NRIP1: variants seen among roughly 807,000 people sequenced by gnomAD.
NRIP1 encodes the protein nuclear receptor interacting protein 1.
Under a neutral mutation model 75.0 loss-of-function variants are expected in NRIP1, and 28 were observed. The ratio of observed to expected loss-of-function variants is 0.37; its 90% CI spans 0.28 to 0.51. The LOEUF is 0.51. NRIP1 is among the 20% of genes least tolerant of loss of function. The pLI, the probability that NRIP1 is intolerant of heterozygous loss-of-function variation, is 0.92. For missense variants in NRIP1, 1,435 were observed against 1,343.7 expected (o/e 1.07, Z -1.06); for synonymous variants, 526 against 487.6 (o/e 1.08, Z -1.04).
chr21:15,049,570 C>A (rs912354497), intron 1 of NRIP1, among the ~76,000 whole-genome samples: 1 of 151,962 alleles, frequency 6.6e-6, no homozygotes, highest in African/African-American at 2.4e-5. Flanking sequence ...ATTTAGGGTA[C>A]TTTTTAAATG....
At chr21:15,042,395 T>C (rs1325636580) in intron 2 of NRIP1, among the ~76,000 whole-genome samples, 1 of 152,200 alleles carries the variant, frequency 6.6e-6, no homozygotes, top group African/African-American at 2.4e-5. Flanking sequence ...TGGATATAGA[T>C]CAAGAAGACT....
At chr21:15,031,348 A>T (rs75088821) in intron 2 of NRIP1, among the ~76,000 whole-genome samples, 49 of 115,618 alleles carry the variant, frequency 4.2e-4, no homozygotes, top group African/African-American at 1.3e-3. Flanking sequence ...CGCTCGGAGG[A>T]TCACCACATT....
At chr21:15,030,111 T>C (rs1166080649) in intron 2 of NRIP1, among the ~76,000 whole-genome samples, 1 of 152,168 alleles carries the variant, frequency 6.6e-6, no homozygotes, top group Non-Finnish European at 1.5e-5. Flanking sequence ...CCAGTGAAGT[T>C]GACAAGGAAA....
chr21:15,049,575 T>A (rs2089159631), intron 1 of NRIP1, among the ~76,000 whole-genome samples: 1 of 152,112 alleles, frequency 6.6e-6, no homozygotes, highest in South Asian at 2.1e-4. Flanking sequence ...GGGTACTTTT[T>A]AAATGTTTAT....
In NRIP1 at chr21:14,968,413, GAGA is replaced by G. The variant is rs1600808102; in HGVS notation, c.-224_-222del. On this transcript the variant is annotated 5_prime_UTR_variant, in exon 4 of 4. Coordinates refer to ENST00000318948, the MANE Select transcript of NRIP1 (RefSeq NM_003489.4). The stretch of plus-strand genomic sequence containing the variant: ...TGATCAACTTCTACGCAAGGAGGAG[GAGA>G]AGAATTCCTTAACACATAGGTCTGT... The G allele has an allele frequency of 3.9e-6, 2 of 514,888 alleles. No homozygotes were observed. The highest frequency in any genetic ancestry group is 3.2e-5 in the East Asian group (1 of 31,170). The allele number at this position is 514,888 out of a possible 1,614,324, so 31.9% of individuals were successfully genotyped here. A position where few individuals can be genotyped will look rare whatever the true frequency, so the allele number is the denominator to read the frequency against.
chr21:15,024,946 C>A (rs1339158236), intron 2 of NRIP1, among the ~76,000 whole-genome samples: 1 of 152,014 alleles, frequency 6.6e-6, no homozygotes, highest in Non-Finnish European at 1.5e-5. Context: ...CACAGAAAAG[C>A]AAATCAAGAC....
chr21:15,011,143 T>G (rs1384730860), intron 3 of NRIP1, among the ~76,000 whole-genome samples: 1 of 152,208 alleles, frequency 6.6e-6, no homozygotes, highest in Middle Eastern at 3.2e-3. Context: ...AGGCATTCCA[T>G]GTATACAATT....
chr21:15,058,188 C>G (rs971122324), intron 1 of NRIP1, among the ~76,000 whole-genome samples: 1 of 152,068 alleles, frequency 6.6e-6, no homozygotes, highest in Non-Finnish European at 1.5e-5. Flanking sequence ...AGTAGCAGAA[C>G]CTAAACTCGA....
intron 3 of NRIP1, among the ~76,000 whole-genome samples, chr21:14,977,617 A>G (rs2087109510): frequency 6.6e-6 from 1 of 152,218 alleles, no homozygotes; most frequent in South Asian, 2.1e-4. Context: ...GAATAAAAGA[A>G]ACATTCAAGT....
intron 3 of NRIP1, among the ~76,000 whole-genome samples, chr21:14,995,202 G>C (rs1368787991): frequency 2.0e-5 from 3 of 151,834 alleles, no homozygotes; most frequent in Non-Finnish European, 4.4e-5. Context: ...CAAGACATAT[G>C]TCAAAGATCT....
At chr21:15,031,103 C>T (rs77235048) in intron 2 of NRIP1, among the ~76,000 whole-genome samples, 381 of 21,724 alleles carry the variant, frequency 0.018, 5 homozygotes, top group East Asian at 0.12. Flanking sequence ...GGAGGATCAC[C>T]ACATTCCCTT....
intron 1 of NRIP1, among the ~76,000 whole-genome samples, chr21:15,060,912 T>C (rs2089410298): frequency 6.6e-6 from 1 of 152,126 alleles, no homozygotes; most frequent in Non-Finnish European, 1.5e-5. Flanking sequence ...TCCATTCCAA[T>C]GGCCTGTTTC....
chr21:15,034,996 A>G (rs1209975784), intron 2 of NRIP1, among the ~76,000 whole-genome samples: 1 of 152,152 alleles, frequency 6.6e-6, no homozygotes, highest in Non-Finnish European at 1.5e-5. Context: ...TTTATTCTGC[A>G]TAATATTCTT....
chr21:15,043,071 C>T (rs551829017), intron 2 of NRIP1, among the ~76,000 whole-genome samples: 1 of 152,256 alleles, frequency 6.6e-6, no homozygotes, highest in Admixed American at 6.5e-5. Flanking sequence ...GATCCAAATG[C>T]AGATGGCAGC....
intron 3 of NRIP1, among the ~76,000 whole-genome samples, chr21:15,004,517 T>C (rs913218340): frequency 6.6e-6 from 1 of 152,232 alleles, no homozygotes; most frequent in Non-Finnish European, 1.5e-5. Context: ...GCACTTGGAC[T>C]TTGTCCAACT....
intron 3 of NRIP1, chr21:14,988,183 G>GT (rs1439385207): frequency 6.6e-6 from 1 of 152,030 alleles, no homozygotes; most frequent in East Asian, 1.9e-4. Flanking sequence ...CCGAGGCTCA[G>GT]TTTTTTCAGC....
chr21:15,059,846 T>C (rs1465719380), intron 1 of NRIP1, among the ~76,000 whole-genome samples: 3 of 152,164 alleles, frequency 2.0e-5, no homozygotes, highest in Non-Finnish European at 4.4e-5. Context: ...CTGATTCACA[T>C]TATACTACTT....
In NRIP1 at chr21:14,965,843, T is replaced by C. The variant is rs2086719964; in HGVS notation, c.2350A>G (p.Met784Val). The C allele has an allele frequency of 1.2e-6, 2 of 1,613,932 alleles. No individual in the cohort carries two copies. The highest frequency in any genetic ancestry group is 1.3e-5 in the African/African-American group (1 of 74,912). The change falls in exon 4 of 4, where the codon ATG (methionine) becomes GTG (valine). Residue 784 changes from methionine to valine, a missense_variant. By Grantham distance (21) the Met-to-Val change is conservative. Transcript: ENST00000318948. ...HDAKSAPFLG[M>V]APAVQRSAPA... is the part of the protein sequence containing the mutation. ...GCGCTTCTCTGCACAGCAGGAGCCA[T>C]ACCCAAGAATGGGGCACTCTTAGCA...
chr21:14,967,478 T>C lies in NRIP1; in HGVS notation c.715A>G (p.Arg239Gly), dbSNP rs2146938437. ...ACCATGCTTGCAACAGCCTGTAATC[T>C]TGCAGCACATGACAACGGTTCACTC... The part of the protein sequence containing the change: ...VMSEPLSCAA[R>G]LQAVASMVEK... The change falls in exon 4 of 4, where the codon AGA becomes GGA. Residue 239 changes from arginine (R) to glycine (G), a missense_variant. Physicochemically the swap from Arg to Gly is moderately radical, Grantham distance 125. Transcript: ENST00000318948. 6.2e-7 allele frequency: 1 copy of C among 1,614,152 alleles called. No homozygotes were observed. The highest frequency in any genetic ancestry group is 1.1e-5 in the South Asian group (1 of 91,084).
Sources: gnomAD v4.1 joint callset for allele counts (sites outside exome capture counted in the v4.1 genomes callset) on GRCh38, gnomAD v4.1.1 for gene constraint, MANE v1.5 for transcripts, NCBI Gene and HGNC (gene_info 2026-07-23, HGNC 2026-07-21) for gene names.